The following SLCO1A2 variants were observed in gnomAD, a reference collection of about 807,000 sequenced individuals.
SLCO1A2 encodes the protein solute carrier organic anion transporter family member 1A2, also known as OATP-1.
SLCO1A2 carries 67 observed loss-of-function variants against 69.0 expected under a neutral mutation model. The observed-to-expected ratio is 0.97, with a 90% CI of 0.80 to 1.19. SLCO1A2 has a LOEUF of 1.19. Ranked by LOEUF, SLCO1A2 falls within the 50% of genes most tolerant of loss-of-function variation. The probability of loss-of-function intolerance (pLI) is 0.00; values close to 1 mark genes in which losing one functional copy is unlikely to be tolerated. For synonymous variants in SLCO1A2, 260 were observed against 265.9 expected, an observed-to-expected ratio of 0.98 and a Z score of 0.22; for missense variants, 787 against 793.7, an observed-to-expected ratio of 0.99 and a Z score of 0.10.
chr12:21,403,747 T>C lies in SLCO1A2; in HGVS notation c.-312+14135A>G, dbSNP rs1941776687. 3.3e-5 allele frequency: 5 copies of C among 150,938 alleles called. No homozygotes were observed. In the South Asian group the frequency reaches 1.0e-3, roughly 32 times the overall value. The allele number at this position is 150,938 out of a possible 1,614,324, so 9.3% of individuals were successfully genotyped here. ...TTTTTTTTTTTTTGGTGGTTGTTTT[T>C]TCAAACAGTTAACTCTTACGTGGCT... On this transcript the variant is annotated intron_variant, in intron 1 of 4. Coordinates refer to the SLCO1A2 transcript ENST00000413682.
In SLCO1A2 at chr12:21,405,020, G is replaced by A. The variant is rs1196481607; in HGVS notation, c.-312+12862C>T. ...GAACTTTTTAAAATGTTTGTTGGCC[G>A]CATAAACATCTTCTTTCGAGAAGTG... On this transcript the variant is annotated intron_variant, in intron 1 of 4. Transcript: ENST00000413682. 4.7e-5 allele frequency among the ~76,000 whole-genome samples: 7 copies of A among 150,416 alleles called. No homozygotes were observed. In the East Asian group the frequency reaches 5.8e-4, roughly 13 times the overall value.
chr12:21,278,274 G>T (rs73250866), intron 12 of SLCO1A2, among the ~76,000 whole-genome samples: 18 of 152,076 alleles, frequency 1.2e-4, no homozygotes, highest in Non-Finnish European at 2.5e-4. Context: ...CCCATCCCAG[G>T]CTCCTGGATG....
At position 21,350,331 on chromosome 12, in the gene SLCO1A2, A is replaced by G. The variant is rs570056101; in HGVS notation, c.-62-15622T>C. Reference sequence around the variant, plus strand: ...CACAGCTTTGTTTTAGTAAAGTACAAAAAAAAAGAGAGAAAAAATTAAATG... The same window carrying G: ...CACAGCTTTGTTTTAGTAAAGTACAGAAAAAAAGAGAGAAAAAATTAAATG... On this transcript the variant is annotated intron_variant, in intron 2 of 15. Coordinates refer to the SLCO1A2 transcript ENST00000307378. Among the ~76,000 whole-genome samples the G allele has an allele frequency of 3.3e-5, 5 of 151,788 alleles. 2 individuals are homozygous for G. Among genetic ancestry groups the G allele is most frequent in the African/African-American group, 1.2e-4 (5 of 41,438 alleles).
At chr12:21,411,958 T>C (rs1334865712) in intron 1 of SLCO1A2, among the ~76,000 whole-genome samples, 1 of 152,202 alleles carries the variant, frequency 6.6e-6, no homozygotes, top group Non-Finnish European at 1.5e-5. Context: ...TGAGCCACTG[T>C]GCCTGGCCAT....
At chr12:21,309,277 G>A (rs78307740) in intron 4 of SLCO1A2, among the ~76,000 whole-genome samples, 3,131 of 152,210 alleles carry the variant, frequency 0.021, 46 homozygotes, top group Middle Eastern at 0.034. Context: ...ATGAAAGAAG[G>A]TATAGGGGAG....
chr12:21,355,943 A>G (rs1268499514), intron 2 of SLCO1A2, among the ~76,000 whole-genome samples: 2 of 152,176 alleles, frequency 1.3e-5, no homozygotes, highest in East Asian at 3.8e-4. Context: ...ATATTAAAAT[A>G]GTATTGAATG....
upstream of SLCO1A2, among the ~76,000 whole-genome samples, chr12:21,418,193 G>A (rs1471336171): frequency 6.6e-6 from 1 of 152,104 alleles, no homozygotes; most frequent in African/African-American, 2.4e-5. Context: ...CCATGTTAGT[G>A]GTGCCCCTGG....
intron 1 of SLCO1A2, among the ~76,000 whole-genome samples, chr12:21,384,759 G>GT (rs1201476086): frequency 9.5e-5 from 14 of 147,486 alleles, no homozygotes; most frequent in African/African-American, 2.0e-4. Context: ...TGTCCACTTA[G>GT]TTTTTTTTTC....
intron 2 of SLCO1A2, among the ~76,000 whole-genome samples, chr12:21,360,718 A>T (rs76535130): frequency 2.0e-5 from 3 of 152,218 alleles, no homozygotes; most frequent in Non-Finnish European, 4.4e-5. Context: ...AGCCTTAGCA[A>T]ATGGCACACC....
At chr12:21,397,345 C>A (rs1325799140), upstream of SLCO1A2, among the ~76,000 whole-genome samples, 1 of 152,026 alleles carries the variant, frequency 6.6e-6, no homozygotes, top group Non-Finnish European at 1.5e-5. Context: ...TATGTGCACC[C>A]AATACAGGAG....
At chr12:21,314,277 G>A (rs1169309437) in intron 4 of SLCO1A2, among the ~76,000 whole-genome samples, 2 of 152,178 alleles carry the variant, frequency 1.3e-5, no homozygotes, top group Non-Finnish European at 1.5e-5. Flanking sequence ...ATAATCCCAA[G>A]TTTCGGCTGG....
chr12:21,365,958 A>G (rs911859524), intron 2 of SLCO1A2, among the ~76,000 whole-genome samples: 1 of 152,226 alleles, frequency 6.6e-6, no homozygotes, highest in African/African-American at 2.4e-5. Flanking sequence ...GTGGGACTGT[A>G]AAGTAGTTCA....
At chr12:21,312,331 G>A (rs147130308) in intron 4 of SLCO1A2, among the ~76,000 whole-genome samples, 108 of 152,214 alleles carry the variant, frequency 7.1e-4, no homozygotes, top group Middle Eastern at 3.4e-3. Flanking sequence ...CTTAACTTTC[G>A]TAGAATAGAA....
chr12:21,325,213 T>C (rs1952124936), intron 2 of SLCO1A2, among the ~76,000 whole-genome samples: 1 of 152,174 alleles, frequency 6.6e-6, no homozygotes, highest in South Asian at 2.1e-4. Context: ...CCAATTAACA[T>C]TCCTCAAAGG....
intron 11 of SLCO1A2, among the ~76,000 whole-genome samples, chr12:21,293,563 A>G (rs1177615798): frequency 7.1e-6 from 1 of 141,318 alleles, no homozygotes; most frequent in Non-Finnish European, 1.5e-5. Context: ...ATATACACAG[A>G]AAAATATATA....
At chr12:21,273,313 T>TATC (rs1470857232) in intron 14 of SLCO1A2, among the ~76,000 whole-genome samples, 4 of 151,494 alleles carry the variant, frequency 2.6e-5, no homozygotes, top group Admixed American at 2.6e-4. Context: ...ACACTATTTA[T>TATC]ATCTTCCAAG....
intron 12 of SLCO1A2, among the ~76,000 whole-genome samples, chr12:21,275,917 G>A (rs1233293330): frequency 6.6e-6 from 1 of 151,788 alleles, no homozygotes; most frequent in Non-Finnish European, 1.5e-5. Flanking sequence ...ACTCCAGCCT[G>A]GGTGATAGAG....
intron 1 of SLCO1A2, among the ~76,000 whole-genome samples, chr12:21,375,183 A>G (rs1940099435): frequency 6.6e-6 from 1 of 152,176 alleles, no homozygotes; most frequent in Non-Finnish European, 1.5e-5. Flanking sequence ...AGCAATATGT[A>G]ATATAATATT....
upstream of SLCO1A2, among the ~76,000 whole-genome samples, chr12:21,336,480 T>A (rs889613190): frequency 2.6e-5 from 4 of 151,976 alleles, no homozygotes; most frequent in Admixed American, 1.3e-4. Flanking sequence ...AAAAAACTAT[T>A]ATCTTAACTG....
Sources: allele counts gnomAD v4.1 joint callset (sites outside exome capture counted in the v4.1 genomes callset), GRCh38; gene constraint gnomAD v4.1.1; transcripts MANE v1.5; gene names NCBI Gene and HGNC (gene_info 2026-07-23, HGNC 2026-07-21).